Variants in ASIC2 observed in about 807,000 individuals in gnomAD.
The protein encoded by ASIC2 is acid-sensing ion channel 2.
A neutral mutation model predicts 57.3 loss-of-function variants in ASIC2; 25 were observed. That is an observed-to-expected ratio of 0.44 (90% CI 0.32 to 0.61). ASIC2 has a LOEUF of 0.61. Among genes scored for constraint, ASIC2 ranks in the 20% least tolerant of loss-of-function variants. ASIC2 has a pLI of 0.06. For missense variants in ASIC2, 641 were observed against 738.1 expected, an observed-to-expected ratio of 0.87 and a Z score of 1.52; for synonymous variants, 319 against 307.5, an observed-to-expected ratio of 1.04 and a Z score of -0.39.
chr17:33,035,851 G>T (rs1018222365), intron 3 of ASIC2, among the ~76,000 whole-genome samples: 1 of 152,166 alleles, frequency 6.6e-6, no homozygotes, highest in African/African-American at 2.4e-5. Context: ...TCCTCTGTGG[G>T]TTCCTCTTTT....
chr17:33,061,389 C>T (rs1470944275), intron 3 of ASIC2, among the ~76,000 whole-genome samples: 2 of 152,166 alleles, frequency 1.3e-5, no homozygotes, highest in Non-Finnish European at 2.9e-5. Flanking sequence ...TGAATTTTGT[C>T]AAAGGCCTTT....
intron 1 of ASIC2, among the ~76,000 whole-genome samples, chr17:33,252,330 C>G (rs996646692): frequency 2.0e-5 from 3 of 152,126 alleles, no homozygotes; most frequent in Admixed American, 2.0e-4. Context: ...TGCAAATTAG[C>G]AAATGAATGT....
intron 1 of ASIC2, among the ~76,000 whole-genome samples, chr17:33,696,672 A>G (rs573117848): frequency 1.3e-5 from 2 of 152,168 alleles, no homozygotes; most frequent in Non-Finnish European, 2.9e-5. Flanking sequence ...TTGAAAATCC[A>G]TGTCCCCCAA....
At chr17:33,864,347 G>A (rs1265250174) in intron 1 of ASIC2, among the ~76,000 whole-genome samples, 1 of 152,262 alleles carries the variant, frequency 6.6e-6, no homozygotes, top group East Asian at 1.9e-4. Flanking sequence ...GAAGCATGCA[G>A]ATATAGAACA....
At chr17:33,255,587 G>C (rs1198399702) in intron 1 of ASIC2, among the ~76,000 whole-genome samples, 1 of 139,958 alleles carries the variant, frequency 7.1e-6, no homozygotes, top group African/African-American at 2.6e-5. Flanking sequence ...AAGAGGAGGG[G>C]GGATCGGAGG....
intron 1 of ASIC2, among the ~76,000 whole-genome samples, chr17:34,103,046 C>G (rs956222347): frequency 1.3e-5 from 2 of 152,172 alleles, no homozygotes; most frequent in Non-Finnish European, 2.9e-5. Context: ...GAATAGCAGT[C>G]TTCTGTCAGA....
intron 1 of ASIC2, among the ~76,000 whole-genome samples, chr17:33,884,990 C>G (rs1458802147): frequency 6.6e-6 from 1 of 152,168 alleles, no homozygotes; most frequent in African/African-American, 2.4e-5. Flanking sequence ...TAATCACAAC[C>G]AGTGTTGCAG....
At chr17:34,019,216 T>C (rs575395877) in intron 1 of ASIC2, among the ~76,000 whole-genome samples, 1 of 151,928 alleles carries the variant, frequency 6.6e-6, no homozygotes, top group Admixed American at 6.6e-5. Context: ...CAAAGTAGAT[T>C]CTTGAGACAG....
Position 33,867,832 on chromosome 17 carries a change from C to CA in ASIC2, c.555+288145dup, listed in dbSNP as rs1275353006. ...CCTTATCAAGGCAGACAGGAAAGTG[C>CA]AAAAAGAAATGTGAATGCCCCAGTC... On this transcript the variant is annotated intron_variant, in intron 1 of 9. Coordinates refer to the ASIC2 transcript ENST00000359872. 3.9e-5 allele frequency among the ~76,000 whole-genome samples: 6 copies of CA among 152,234 alleles called. No individual in the cohort carries two copies. The East Asian group carries it at 1.2e-3, about 29-fold the overall frequency.
intron 1 of ASIC2, among the ~76,000 whole-genome samples, chr17:33,193,482 T>C (rs984117516): frequency 6.6e-6 from 1 of 152,168 alleles, no homozygotes; most frequent in Non-Finnish European, 1.5e-5. Context: ...GGTGCTTTCA[T>C]ACTTAATGGC....
At chr17:33,574,705 C>T (rs1916561343) in intron 1 of ASIC2, among the ~76,000 whole-genome samples, 2 of 152,154 alleles carry the variant, frequency 1.3e-5, no homozygotes, top group Non-Finnish European at 2.9e-5. Context: ...TTTAGCCTTA[C>T]AAATTGCATA....
intron 1 of ASIC2, among the ~76,000 whole-genome samples, chr17:34,049,657 A>G (rs768071138): frequency 1.3e-5 from 2 of 151,936 alleles, no homozygotes; most frequent in African/African-American, 2.4e-5. Flanking sequence ...ATCAAAACCC[A>G]CTGTAATATT....
intron 1 of ASIC2, among the ~76,000 whole-genome samples, chr17:33,796,649 C>A (rs1911927324): frequency 6.6e-6 from 1 of 152,160 alleles, no homozygotes; most frequent in African/African-American, 2.4e-5. Flanking sequence ...CAAGATCCAT[C>A]TGATACTTGA....
At chr17:33,809,752 G>T (rs979881309) in intron 1 of ASIC2, among the ~76,000 whole-genome samples, 1 of 152,138 alleles carries the variant, frequency 6.6e-6, no homozygotes, top group African/African-American at 2.4e-5. Context: ...CCAGGAATGT[G>T]GTCTTAGAAT....
intron 1 of ASIC2, among the ~76,000 whole-genome samples, chr17:33,496,603 G>GTTTTTTTTTTTT (rs61267122): frequency 4.2e-5 from 3 of 70,980 alleles, no homozygotes; most frequent in Admixed American, 1.9e-4. Context: ...GTTATTGTAG[G>GTTTTTTTTTTTT]TTTTTTTTTT....
intron 1 of ASIC2, among the ~76,000 whole-genome samples, chr17:33,345,352 C>T (rs1205419572): frequency 6.6e-6 from 1 of 152,176 alleles, no homozygotes; most frequent in Non-Finnish European, 1.5e-5. Context: ...GGCAAGATCC[C>T]TATCCTCACA....
At chr17:33,565,554 C>T (rs1008801323) in intron 1 of ASIC2, among the ~76,000 whole-genome samples, 2 of 152,172 alleles carry the variant, frequency 1.3e-5, no homozygotes, top group Non-Finnish European at 2.9e-5. Flanking sequence ...TGCCCATGCA[C>T]GTCCTCATCT....
chr17:33,437,112 G>A (rs545833174), intron 1 of ASIC2, among the ~76,000 whole-genome samples: 14 of 151,686 alleles, frequency 9.2e-5, no homozygotes, highest in South Asian at 6.3e-4. Context: ...TGATCTGCCC[G>A]CCTCGGCCTC....
intron 1 of ASIC2, among the ~76,000 whole-genome samples, chr17:33,440,473 G>A (rs751080256): frequency 5.3e-5 from 8 of 152,154 alleles, no homozygotes; most frequent in Non-Finnish European, 1.2e-4. Flanking sequence ...TTTCTCTTGG[G>A]TAGATACCTA....
Sources: gnomAD v4.1 joint callset for allele counts (sites outside exome capture counted in the v4.1 genomes callset) on GRCh38, gnomAD v4.1.1 for gene constraint, MANE v1.5 for transcripts, NCBI Gene and HGNC (gene_info 2026-07-23, HGNC 2026-07-21) for gene names.